Variants in LRRTM4 observed in about 807,000 individuals in gnomAD.
LRRTM4 encodes the protein leucine-rich repeat transmembrane neuronal protein 4.
In LRRTM4, 25 loss-of-function variants were observed where a neutral mutation model predicts 47.6. The ratio of observed to expected loss-of-function variants is 0.53; its 90% CI spans 0.38 to 0.73. LRRTM4 has a LOEUF of 0.73. LRRTM4 is among the 30% of genes least tolerant of loss of function. The pLI is 0.00. For synonymous variants in LRRTM4, 311 were observed against 269.5 expected (o/e 1.15, Z -1.51); for missense variants, 638 against 713.4 (o/e 0.89, Z 1.20).
chr2:77,174,634 C>T (rs189022713), intron 3 of LRRTM4, among the ~76,000 whole-genome samples: 410 of 151,890 alleles, frequency 2.7e-3, no homozygotes, highest in African/African-American at 9.3e-3. Flanking sequence ...GGGAGGCTGC[C>T]TGGTTGTTTT....
intron 3 of LRRTM4, among the ~76,000 whole-genome samples, chr2:77,324,359 C>T (rs1441052818): frequency 6.6e-6 from 1 of 152,064 alleles, no homozygotes; most frequent in Non-Finnish European, 1.5e-5. Context: ...AATAGGTAAG[C>T]TCATATGCAC....
Position 77,373,086 on chromosome 2 carries a change from A to ATATATATATATATATAT in LRRTM4, c.1551+145231_1551+145232insATATATATATATATATA, listed in dbSNP as rs1553435858. Among the ~76,000 whole-genome samples the ATATATATATATATATAT allele has an allele frequency of 1.1e-4, 14 of 130,114 alleles. 1 individual carries two copies. In the South Asian group the frequency reaches 1.8e-3, roughly 17 times the overall value. The allele number at this position is 130,114 out of a possible 152,430, so 85.4% of individuals were successfully genotyped here. On this transcript the variant is annotated intron_variant, in intron 3 of 3. Transcript: ENST00000409884. Reference sequence around the variant, plus strand: ...CAAAAGCAAACCAACAATTAAAAAAAAAATATATATATATATATATATACG... The same window carrying ATATATATATATATATAT: ...CAAAAGCAAACCAACAATTAAAAAAATATATATATATATATATAAATATATATATATATATATATACG...
rs148406437 is a variant in LRRTM4, at chr2:76,834,533, C to T, written c.1552-85617G>A. On this transcript the variant is annotated intron_variant, in intron 3 of 3. Transcript: ENST00000409884. ...AGTGTCTCCATCCCATTTCTGCTTG[C>T]TTCATTTGACAACGTATTTATATTT... is the stretch of plus-strand genomic sequence containing the variant. Among the ~76,000 whole-genome samples the T allele has an allele frequency of 2.4e-3, 372 of 151,968 alleles. 1 individual carries two copies. The highest frequency in any genetic ancestry group is 8.5e-3 in the African/African-American group (353 of 41,478).
rs368337558 is a variant in LRRTM4 at position 76,750,413 on chromosome 2, C to T, written c.1552-1497G>A. Among the ~76,000 whole-genome samples the T allele has an allele frequency of 3.9e-5, 6 of 152,322 alleles. 1 individual carries two copies. The South Asian group carries it at 1.2e-3, about 32-fold the overall frequency. Reference sequence around the variant, plus strand: ...TAGCTACTTCCTAACATTGCTGTTTCTGTGATACCACAGCAATATCTTAGC... The same window carrying T: ...TAGCTACTTCCTAACATTGCTGTTTTTGTGATACCACAGCAATATCTTAGC... On this transcript the variant is annotated intron_variant, in intron 3 of 3. Coordinates refer to ENST00000409884, the MANE Select transcript of LRRTM4 (RefSeq NM_001134745.3).
chr2:76,766,743 A>C (rs1440080131), intron 3 of LRRTM4, among the ~76,000 whole-genome samples: 1 of 152,182 alleles, frequency 6.6e-6, no homozygotes, highest in Non-Finnish European at 1.5e-5. Context: ...TTTTCCTCCT[A>C]GGGAATTTTT....
intron 3 of LRRTM4, among the ~76,000 whole-genome samples, chr2:76,955,507 A>T (rs1675642295): frequency 6.6e-6 from 1 of 151,866 alleles, no homozygotes; most frequent in Non-Finnish European, 1.5e-5. Flanking sequence ...ACTACTAAGA[A>T]TTCAATAAAA....
At chr2:76,880,944 G>T (rs1244812285) in intron 3 of LRRTM4, among the ~76,000 whole-genome samples, 1 of 152,036 alleles carries the variant, frequency 6.6e-6, no homozygotes, top group Non-Finnish European at 1.5e-5. Context: ...GTCTGGGAAG[G>T]GTACAGGGAG....
chr2:77,017,696 G>T (rs544858446), intron 3 of LRRTM4, among the ~76,000 whole-genome samples: 1 of 152,202 alleles, frequency 6.6e-6, no homozygotes, highest in South Asian at 2.1e-4. Flanking sequence ...ACAACCCGAG[G>T]TAGTCATTAC....
Position 77,380,227 on chromosome 2 carries a change from A to G in LRRTM4, c.1551+138091T>C, listed in dbSNP as rs925796166. On this transcript the variant is annotated intron_variant, in intron 3 of 3. Coordinates refer to ENST00000409884, the MANE Select transcript of LRRTM4 (RefSeq NM_001134745.3). ...AATTTTCAAAGATTTTTATTGCTAC[A>G]TATTTAACTTTTAAAACACTATTAA... Among the ~76,000 whole-genome samples the G allele has an allele frequency of 2.6e-5, 4 of 152,282 alleles. 1 individual carries two copies. Among genetic ancestry groups the G allele is most frequent in the East Asian group, 1.9e-4 (1 of 5,164 alleles).
chr2:76,847,227 A>G (rs1241828246), intron 3 of LRRTM4, among the ~76,000 whole-genome samples: 1 of 152,100 alleles, frequency 6.6e-6, no homozygotes, highest in Non-Finnish European at 1.5e-5. Flanking sequence ...CTCTCAACAT[A>G]TTTGCAACCC....
At chr2:76,831,183 A>G (rs906733166) in intron 3 of LRRTM4, among the ~76,000 whole-genome samples, 9 of 152,066 alleles carry the variant, frequency 5.9e-5, no homozygotes, top group African/African-American at 2.2e-4. Flanking sequence ...GTGTATCTAT[A>G]TATGTGAATG....
chr2:77,355,410 A>T (rs1243333192), intron 3 of LRRTM4, among the ~76,000 whole-genome samples: 1 of 152,134 alleles, frequency 6.6e-6, no homozygotes, highest in Non-Finnish European at 1.5e-5. Context: ...ACTTCTTACC[A>T]CTCAGAGTAA....
rs927717504 is a variant in LRRTM4, at chr2:76,748,789, C to T, written c.1679G>A (p.Ser560Asn). 1 of 1,613,874 alleles carries T rather than the reference C, an allele frequency of 6.2e-7. No homozygotes were observed. The highest frequency in any genetic ancestry group is 8.5e-7 in the Non-Finnish European group (1 of 1,179,908). The change falls in exon 4 of 4, where the codon AGC becomes AAC. Residue 560 changes from serine to asparagine, a missense_variant. Transcript: ENST00000409884. ...YETVSPEQDE[S>N]PGLELGRDHS... Reference sequence around the variant, plus strand: ...GTCTCGGCCCAGCTCCAGGCCGGGGCTTTCGTCCTGCTCTGGAGACACTGT... The same window carrying T: ...GTCTCGGCCCAGCTCCAGGCCGGGGTTTTCGTCCTGCTCTGGAGACACTGT...
chr2:77,039,648 AAATATT>A (rs1211322224), intron 3 of LRRTM4, among the ~76,000 whole-genome samples: 2 of 151,282 alleles, frequency 1.3e-5, no homozygotes, highest in African/African-American at 4.8e-5. Flanking sequence ...ATACCATATC[AAATATT>A]AATAATGTAA....
At position 77,105,605 on chromosome 2, in the gene LRRTM4, C is replaced by T. The variant is rs973702945; in HGVS notation, c.1552-356689G>A. Among the ~76,000 whole-genome samples, 12 of 152,056 alleles carry T rather than the reference C, an allele frequency of 7.9e-5. No homozygotes were observed. The South Asian group carries it at 2.5e-3, about 32-fold the overall frequency. On this transcript the variant is annotated intron_variant, in intron 3 of 3. Coordinates refer to ENST00000409884, the MANE Select transcript of LRRTM4 (RefSeq NM_001134745.3). ...AGCACACCAACATGGCACGTGTATA[C>T]ATACGTAACTAACCTGCACGTTGTG...
chr2:76,843,321 A>G (rs73940075), intron 3 of LRRTM4, among the ~76,000 whole-genome samples: 1 of 152,160 alleles, frequency 6.6e-6, no homozygotes, highest in Non-Finnish European at 1.5e-5. Context: ...GTATATTCCA[A>G]AAATATTTAA....
chr2:77,044,723 T>A (rs1339746573), intron 3 of LRRTM4, among the ~76,000 whole-genome samples: 2 of 151,718 alleles, frequency 1.3e-5, no homozygotes, highest in African/African-American at 4.8e-5. Context: ...TATGTATATG[T>A]CTCATTTGTG....
chr2:77,303,464 A>G (rs1444031835), intron 3 of LRRTM4, among the ~76,000 whole-genome samples: 1 of 152,210 alleles, frequency 6.6e-6, no homozygotes, highest in Non-Finnish European at 1.5e-5. Flanking sequence ...AGGAAAACTA[A>G]TAAATTAGAA....
At chr2:76,768,902 TG>T (rs1311909152) in intron 3 of LRRTM4, among the ~76,000 whole-genome samples, 4 of 152,138 alleles carry the variant, frequency 2.6e-5, no homozygotes, top group Non-Finnish European at 5.9e-5. Flanking sequence ...TAGAATGTGC[TG>T]GGGACATGCT....
Sources: gnomAD v4.1 joint callset for allele counts (sites outside exome capture counted in the v4.1 genomes callset) on GRCh38, gnomAD v4.1.1 for gene constraint, MANE v1.5 for transcripts, NCBI Gene and HGNC (gene_info 2026-07-23, HGNC 2026-07-21) for gene names.